SPNS3: variants seen among roughly 807,000 people sequenced by gnomAD.
SPNS3 encodes the protein protein spinster homolog 3.
Under a neutral mutation model 54.4 loss-of-function variants are expected in SPNS3, and 51 were observed. The observed-to-expected ratio is 0.94, with a 90% CI of 0.75 to 1.18. The LOEUF is 1.18. Among genes scored for constraint, SPNS3 ranks in the 50% most tolerant of loss-of-function variants. The pLI, the probability that SPNS3 is intolerant of heterozygous loss-of-function variation, is 0.00. For missense variants in SPNS3, 669 were observed against 677.4 expected (o/e 0.99, Z 0.14); for synonymous variants, 309 against 294.7 (o/e 1.05, Z -0.50).
rs1971052589 is a variant in SPNS3 at position 4,448,233 on chromosome 17, A to G, written c.700A>G (p.Thr234Ala). 1.2e-6 allele frequency: 2 copies of G among 1,601,912 alleles called. No individual in the cohort carries two copies. Among genetic ancestry groups the G allele is most frequent in the African/African-American group, 1.3e-5 (1 of 74,410 alleles). The change falls in exon 6 of 12, where the codon ACA (threonine) becomes GCA (alanine). Residue 234 changes from threonine to alanine, a missense_variant. By Grantham distance (58) the Thr-to-Ala change is moderately conservative (BLOSUM62 0). Transcript: ENST00000355530. ...VPDPPRGAAE[T>A]QGEGAVGGFR... is the part of the protein sequence containing the mutation. The stretch of plus-strand genomic sequence containing the variant: ...AGACCCACCCCGGGGAGCTGCCGAG[A>G]CACAGGGGGAGGGGGCCGTGGGAGG...
rs951579116 is a variant in SPNS3 at position 4,461,303 on chromosome 17, T to C, written c.1113+8098T>C. 5.3e-5 allele frequency among the ~76,000 whole-genome samples: 8 copies of C among 151,446 alleles called. 1 individual carries two copies. The highest frequency in any genetic ancestry group is 1.9e-4 in the African/African-American group (8 of 41,328). On this transcript the variant is annotated intron_variant, in intron 8 of 11. Coordinates refer to ENST00000355530, the MANE Select transcript of SPNS3 (RefSeq NM_182538.5). The stretch of plus-strand genomic sequence containing the variant: ...CTGATTTTTTCAAAGAACCAACTTT[T>C]GGTTTCATCAATTTTTCTCAATTTT...
At chr17:4,482,827 C>T (rs577155545) in intron 9 of SPNS3, among the ~76,000 whole-genome samples, 1 of 152,218 alleles carries the variant, frequency 6.6e-6, no homozygotes, top group Admixed American at 6.5e-5. Context: ...AGCCAGCTCA[C>T]CCCAATCCCC....
rs188022748 is a variant in SPNS3, at chr17:4,476,131, C to A, written c.1114-2441C>A. ...GAGCCCCTCCTGGAGCTGAGTCAGC[C>A]CTGGTGGCCGCTGCCCCGGGAGACT... On this transcript the variant is annotated intron_variant, in intron 8 of 11. Coordinates refer to ENST00000355530, the MANE Select transcript of SPNS3 (RefSeq NM_182538.5). 6.3e-3 allele frequency among the ~76,000 whole-genome samples: 954 copies of A among 152,290 alleles called. 9 individuals carry two copies. Among genetic ancestry groups the A allele is most frequent in the African/African-American group, 0.022 (909 of 41,554 alleles).
At chr17:4,478,525 G>C in intron 8 of SPNS3, 47 bp from the exon 9 acceptor site, 1 of 1,538,042 alleles carries the variant, frequency 6.5e-7, no homozygotes, top group South Asian at 1.2e-5. Context: ...GGTGGGGTTG[G>C]TGACTGGGAT....
At chr17:4,439,037 G>A (rs1179546203) in intron 1 of SPNS3, among the ~76,000 whole-genome samples, 1 of 152,160 alleles carries the variant, frequency 6.6e-6, no homozygotes, top group East Asian at 1.9e-4. Flanking sequence ...CATATGAAGA[G>A]GAGGGAAGGA....
At chr17:4,437,376 T>A (rs900648432) in intron 1 of SPNS3, among the ~76,000 whole-genome samples, 2 of 152,158 alleles carry the variant, frequency 1.3e-5, no homozygotes, top group African/African-American at 4.8e-5. Flanking sequence ...TTTTTTTCTT[T>A]CCAATGACTG....
chr17:4,435,468 TA>T (rs1970692231), intron 1 of SPNS3, among the ~76,000 whole-genome samples: 1 of 117,380 alleles, frequency 8.5e-6, no homozygotes, highest in Admixed American at 9.7e-5. Context: ...AAATAAAAAA[TA>T]AATAAATAAA....
chr17:4,453,799 T>C (rs1017761921), intron 8 of SPNS3, among the ~76,000 whole-genome samples: 2 of 152,068 alleles, frequency 1.3e-5, no homozygotes, highest in African/African-American at 2.4e-5. Context: ...CAAGAAGAAA[T>C]AGAGCAATTC....
At chr17:4,453,322 GTAGAGCTTGT>G in intron 8 of SPNS3, 117 bp downstream of exon 8, 1 of 975,040 alleles carries the variant, frequency 1.0e-6, no homozygotes, top group Non-Finnish European at 1.5e-6. Flanking sequence ...CTCCTTCTGA[GTAGAGCTTGT>G]TATCCCCATT....
At chr17:4,469,907 A>G (rs550882349) in intron 8 of SPNS3, among the ~76,000 whole-genome samples, 16 of 152,324 alleles carry the variant, frequency 1.1e-4, no homozygotes, top group South Asian at 4.1e-4. Context: ...ACAAAAGCAT[A>G]AAAGTACAGA....
intron 1 of SPNS3, among the ~76,000 whole-genome samples, chr17:4,434,537 C>A (rs61209181): frequency 7.9e-5 from 12 of 152,180 alleles, no homozygotes; most frequent in African/African-American, 2.6e-4. Flanking sequence ...CGCTCTGTCG[C>A]CCAGGCTGGA....
chr17:4,471,083 C>T (rs1971842125), intron 8 of SPNS3, among the ~76,000 whole-genome samples: 1 of 152,186 alleles, frequency 6.6e-6, no homozygotes, highest in Admixed American at 6.5e-5. Context: ...CGACACCACG[C>T]CCAGCTAATT....
intron 8 of SPNS3, among the ~76,000 whole-genome samples, chr17:4,458,009 C>T (rs982768780): frequency 1.3e-5 from 2 of 152,020 alleles, no homozygotes; most frequent in Non-Finnish European, 2.9e-5. Context: ...TGATGCCATC[C>T]CGCCCCCACC....
chr17:4,459,396 G>A lies in SPNS3; in HGVS notation c.1113+6191G>A, dbSNP rs184043136. On this transcript the variant is annotated intron_variant, in intron 8 of 11. Coordinates refer to ENST00000355530, the MANE Select transcript of SPNS3 (RefSeq NM_182538.5). ...CCAATATTTATTGATTGTCAATTAA[G>A]TGGCATACTAGTTTAAATGCTGTAG... Among the ~76,000 whole-genome samples the A allele has an allele frequency of 1.9e-3, 289 of 152,248 alleles. 1 individual carries two copies. The highest frequency in any genetic ancestry group is 6.9e-3 in the African/African-American group (285 of 41,552).
At chr17:4,474,888 A>T (rs905302673) in intron 8 of SPNS3, among the ~76,000 whole-genome samples, 1 of 152,094 alleles carries the variant, frequency 6.6e-6, no homozygotes, top group Non-Finnish European at 1.5e-5. Flanking sequence ...GGCTCCCCGC[A>T]TATGTACGTA....
At chr17:4,447,547 G>A (rs1971032136) in intron 5 of SPNS3, among the ~76,000 whole-genome samples, 1 of 152,236 alleles carries the variant, frequency 6.6e-6, no homozygotes, top group African/African-American at 2.4e-5. Context: ...AGACCACTGT[G>A]GAGCCAGCCC....
At chr17:4,461,400 T>C (rs1971503966) in intron 8 of SPNS3, among the ~76,000 whole-genome samples, 1 of 128,490 alleles carries the variant, frequency 7.8e-6, no homozygotes, top group Non-Finnish European at 1.7e-5. Context: ...GACAGGGTCT[T>C]GCTTTGTTTC....
At chr17:4,454,634 T>TG (rs1491096299) in intron 8 of SPNS3, among the ~76,000 whole-genome samples, 355 of 74,216 alleles carry the variant, frequency 4.8e-3, no homozygotes, top group Non-Finnish European at 8.2e-3. Context: ...TTTTTTTTTT[T>TG]GAGACAGAGT....
intron 7 of SPNS3, among the ~76,000 whole-genome samples, chr17:4,451,499 C>T (rs1397271034): frequency 6.6e-6 from 1 of 152,090 alleles, no homozygotes; most frequent in African/African-American, 2.4e-5. Context: ...GGGCAAGCTA[C>T]ATCGGTCAGC....
Sources: allele counts gnomAD v4.1 joint callset (sites outside exome capture counted in the v4.1 genomes callset), GRCh38; gene constraint gnomAD v4.1.1; transcripts MANE v1.5; gene names NCBI Gene and HGNC (gene_info 2026-07-23, HGNC 2026-07-21).